PHF21B: variants seen among roughly 807,000 people sequenced by gnomAD.
PHF21B encodes the protein PHD finger protein 21B.
A neutral mutation model predicts 62.2 loss-of-function variants in PHF21B; 22 were observed. The observed-to-expected ratio is 0.35, with a 90% CI of 0.25 to 0.51. The LOEUF is 0.51. Among genes scored for constraint, PHF21B ranks in the 20% least tolerant of loss-of-function variants. The pLI, the probability that PHF21B is intolerant of heterozygous loss-of-function variation, is 0.97. For synonymous variants in PHF21B, 341 were observed against 314.7 expected (o/e 1.08, Z -0.88); for missense variants, 701 against 707.9 (o/e 0.99, Z 0.11).
chr22:44,893,334 C>T, intron 7 of PHF21B, 123 bp downstream of exon 7: 2 of 875,546 alleles, frequency 2.3e-6, no homozygotes, highest in African/African-American at 1.7e-5. Flanking sequence ...GCCCCACTCC[C>T]AGGAGGGACA....
chr22:45,005,271 AGCAGCAAAGTG>A lies in PHF21B; in HGVS notation c.120+3263_120+3273del, dbSNP rs925806912. Among the ~76,000 whole-genome samples the A allele has an allele frequency of 1.6e-4, 24 of 152,388 alleles. No homozygotes were observed. The East Asian group carries it at 2.5e-3, about 16-fold the overall frequency. ...CCCTCCACTATCTGAATCACAGCCC[AGCAGCAAAGTG>A]CAGCCACACCTGGGAAGGCAGCTTA... is the stretch of plus-strand genomic sequence containing the variant. On this transcript the variant is annotated intron_variant, in intron 2 of 12. Coordinates refer to ENST00000313237, the MANE Select transcript of PHF21B (RefSeq NM_138415.5).
chr22:44,906,419 G>C (rs2071251120), intron 5 of PHF21B, among the ~76,000 whole-genome samples: 1 of 152,244 alleles, frequency 6.6e-6, no homozygotes, highest in Non-Finnish European at 1.5e-5. Flanking sequence ...ACAGGAAGGA[G>C]GGCTGGGCAC....
rs563624154 is a variant in PHF21B, at chr22:45,004,041, C to A, written c.120+4504G>T. On this transcript the variant is annotated intron_variant, in intron 2 of 12. Coordinates refer to ENST00000313237, the MANE Select transcript of PHF21B (RefSeq NM_138415.5). ...ATACGAAAGCCCAGAACAGGCAACTCTAGAGACAGAGTAGATTAGTGGTTG... is the reference window on the plus strand; with the variant it reads ...ATACGAAAGCCCAGAACAGGCAACTATAGAGACAGAGTAGATTAGTGGTTG... Among the ~76,000 whole-genome samples the A allele has an allele frequency of 5.9e-4, 89 of 152,042 alleles. 1 individual carries two copies. The highest frequency in any genetic ancestry group is 1.2e-3 in the Non-Finnish European group (82 of 67,984).
intron 2 of PHF21B, among the ~76,000 whole-genome samples, chr22:44,958,664 G>T (rs2072354520): frequency 7.3e-6 from 1 of 136,770 alleles, no homozygotes. Flanking sequence ...GGAGTGCAGT[G>T]GCATGATCTT....
Position 44,882,996 on chromosome 22 carries a change from G to A in PHF21B, c.*90C>T. 1 of 1,367,322 alleles carries A rather than the reference G, an allele frequency of 7.3e-7. No individual in the cohort carries two copies. Among genetic ancestry groups the A allele is most frequent in the Non-Finnish European group, 9.9e-7 (1 of 1,008,656 alleles). The allele number at this position is 1,367,322 out of a possible 1,614,324, so 84.7% of individuals were successfully genotyped here. ...GGTTAATTTTTGTCTGAAATTCATA[G>A]TGTTTATGAATTAAGGCCGACAGAA... is the stretch of plus-strand genomic sequence containing the variant. On this transcript the variant is annotated 3_prime_UTR_variant, in exon 13 of 13. Transcript: ENST00000313237.
intron 5 of PHF21B, among the ~76,000 whole-genome samples, chr22:44,903,171 C>T (rs2071191313): frequency 6.6e-6 from 1 of 152,344 alleles, no homozygotes; most frequent in East Asian, 1.9e-4. Flanking sequence ...CACATTCTCT[C>T]TATATTATCT....
intron 2 of PHF21B, among the ~76,000 whole-genome samples, chr22:45,000,114 G>A (rs2073187987): frequency 6.6e-6 from 1 of 152,116 alleles, no homozygotes; most frequent in East Asian, 1.9e-4. Flanking sequence ...GCAAAGGATG[G>A]AGCCGGGATT....
chr22:44,944,271 G>A (rs2072020429), intron 2 of PHF21B, among the ~76,000 whole-genome samples: 1 of 152,180 alleles, frequency 6.6e-6, no homozygotes, highest in East Asian at 1.9e-4. Context: ...GGGAATTCGG[G>A]GAGGAAATAA....
intron 10 of PHF21B, among the ~76,000 whole-genome samples, chr22:44,887,143 C>G (rs1381090412): frequency 7.7e-6 from 1 of 130,040 alleles, no homozygotes; most frequent in Non-Finnish European, 1.6e-5. Context: ...GCAACAAGAG[C>G]GAAACTCCAT....
At chr22:44,894,957 G>A (rs2071031283) in intron 6 of PHF21B, among the ~76,000 whole-genome samples, 1 of 152,236 alleles carries the variant, frequency 6.6e-6, no homozygotes, top group African/African-American at 2.4e-5. Context: ...CTCACCTGCT[G>A]CAATGGATAG....
Position 44,888,036 on chromosome 22 carries a change from T to C in PHF21B, c.1124A>G (p.His375Arg). 6.4e-7 allele frequency: 1 copy of C among 1,559,266 alleles called. No individual in the cohort carries two copies. Among genetic ancestry groups the C allele is most frequent in the Non-Finnish European group, 8.7e-7 (1 of 1,152,362 alleles). The change falls in exon 10 of 13, where the codon CAC becomes CGC. Residue 375 changes from histidine to arginine, a missense_variant. Physicochemically the swap from His to Arg is conservative, Grantham distance 29. Transcript: ENST00000313237. ...GAGGGGCGGCTCCAGGCAGCTGAGG[T>C]GGTAGGCCCCCGGGCAGGTGCCGCA... is the stretch of plus-strand genomic sequence containing the variant. ...QPCGTCPGAY[H>R]LSCLEPPLKT...
intron 10 of PHF21B, among the ~76,000 whole-genome samples, chr22:44,887,472 G>A (rs1418180174): frequency 6.6e-6 from 1 of 152,108 alleles, no homozygotes; most frequent in Admixed American, 6.5e-5. Context: ...TGAGTGCAGA[G>A]CTGGGCTATT....
Position 44,913,898 on chromosome 22 carries a change from G to A in PHF21B, c.755C>T (p.Thr252Ile), listed in dbSNP as rs778098413. ...PESTAESRPP[T>I]EEPSQGAQAT... ...CTGAGCTCCCTGAGATGGCTCCTCT[G>A]TGGGCGGCCGCGACTCTGCCGTGCT... The change falls in exon 5 of 13, where the codon ACA (threonine) becomes ATA (isoleucine). Residue 252 changes from threonine (T) to isoleucine (I), a missense_variant. Physicochemically the swap from Thr to Ile is moderately conservative, Grantham distance 89. Coordinates refer to ENST00000313237, the MANE Select transcript of PHF21B (RefSeq NM_138415.5). 8.1e-6 allele frequency: 13 copies of A among 1,613,870 alleles called. No homozygotes were observed. The highest frequency in any genetic ancestry group is 9.3e-6 in the Non-Finnish European group (11 of 1,180,010).
At chr22:44,975,318 G>A (rs988640635) in intron 2 of PHF21B, among the ~76,000 whole-genome samples, 1 of 152,156 alleles carries the variant, frequency 6.6e-6, no homozygotes, top group African/African-American at 2.4e-5. Flanking sequence ...CTCCCCCTCT[G>A]GCCACCGTGA....
At chr22:44,885,725 C>T in intron 11 of PHF21B, 138 bp downstream of exon 11, 1 of 1,093,662 alleles carries the variant, frequency 9.1e-7, no homozygotes, top group East Asian at 2.4e-5. Context: ...GGACCGGTCC[C>T]AGGATCCCAC....
intron 10 of PHF21B, among the ~76,000 whole-genome samples, 191 bp from the exon 11 acceptor site, chr22:44,886,129 G>A (rs2070852955): frequency 6.6e-6 from 1 of 152,100 alleles, no homozygotes; most frequent in Non-Finnish European, 1.5e-5. Flanking sequence ...CACGAGGCTG[G>A]AACATTCTGG....
intron 5 of PHF21B, among the ~76,000 whole-genome samples, chr22:44,899,068 T>A (rs1265841229): frequency 6.6e-6 from 1 of 152,196 alleles, no homozygotes; most frequent in Non-Finnish European, 1.5e-5. Context: ...CCGGGAGGAT[T>A]AGAATATCCC....
At chr22:44,891,066 C>T (rs913285455) in intron 8 of PHF21B, among the ~76,000 whole-genome samples, 23 of 152,238 alleles carry the variant, frequency 1.5e-4, no homozygotes, top group African/African-American at 5.3e-4. Flanking sequence ...CGGTCACGCT[C>T]ACACCTATGG....
intron 2 of PHF21B, among the ~76,000 whole-genome samples, chr22:44,952,864 G>C (rs1484407863): frequency 6.6e-6 from 1 of 152,192 alleles, no homozygotes; most frequent in African/African-American, 2.4e-5. Flanking sequence ...AGAGCTCTCA[G>C]GACAAAAGGC....
Sources: gnomAD v4.1 joint callset for allele counts (sites outside exome capture counted in the v4.1 genomes callset) on GRCh38, gnomAD v4.1.1 for gene constraint, MANE v1.5 for transcripts, NCBI Gene and HGNC (gene_info 2026-07-23, HGNC 2026-07-21) for gene names.